SLC5A8: variants seen among roughly 807,000 people sequenced by gnomAD.
SLC5A8 encodes the protein sodium-coupled monocarboxylate transporter 1.
Under a neutral mutation model 71.9 loss-of-function variants are expected in SLC5A8, and 55 were observed. The observed-to-expected ratio is 0.77, with a 90% confidence interval of 0.62 to 0.96. The LOEUF is 0.96. Among genes scored for constraint, SLC5A8 ranks in the 40% least tolerant of loss-of-function variants. The pLI is 0.00. For missense variants in SLC5A8, 701 were observed against 745.3 expected, an observed-to-expected ratio of 0.94 and a Z score of 0.69; for synonymous variants, 307 against 276.1, an observed-to-expected ratio of 1.11 and a Z score of -1.11.
At chr12:101,203,522 A>AT (rs1234234170) in intron 2 of SLC5A8, among the ~76,000 whole-genome samples, 1 of 151,932 alleles carries the variant, frequency 6.6e-6, no homozygotes, top group Non-Finnish European at 1.5e-5. Context: ...TAATTTTTGT[A>AT]TTTTTGTAGA....
chr12:101,160,262 G>A (rs1191715553), intron 13 of SLC5A8, among the ~76,000 whole-genome samples: 2 of 152,056 alleles, frequency 1.3e-5, no homozygotes, highest in African/African-American at 4.8e-5. Context: ...CTACTGTACT[G>A]GGAATTTTAT....
intron 2 of SLC5A8, among the ~76,000 whole-genome samples, chr12:101,202,977 T>C (rs1593385372): frequency 1.3e-5 from 2 of 152,358 alleles, no homozygotes; most frequent in Middle Eastern, 3.4e-3. Context: ...AGTAGAGCTA[T>C]GAAGTCCTTC....
At chr12:101,166,736 C>T (rs1359046769) in intron 11 of SLC5A8, 37 bp from the exon 12 acceptor site, 3 of 1,522,130 alleles carry the variant, frequency 2.0e-6, no homozygotes, top group Non-Finnish European at 2.6e-6. Context: ...AAAAATAATA[C>T]AATTTGCTTT....
At chr12:101,204,404 T>G (rs1869589608) in intron 2 of SLC5A8, 96 bp downstream of exon 2, 1 of 1,060,816 alleles carries the variant, frequency 9.4e-7, no homozygotes, top group Non-Finnish European at 1.4e-6. Flanking sequence ...CATCTCTTTT[T>G]TGTCTTTTAT....
chr12:101,207,920 C>T (rs894709250), intron 1 of SLC5A8, among the ~76,000 whole-genome samples: 3 of 151,964 alleles, frequency 2.0e-5, no homozygotes, highest in African/African-American at 7.3e-5. Context: ...AAACAGTAAC[C>T]ATGAAAACAC....
chr12:101,160,751 A>C (rs1008734570), intron 13 of SLC5A8, among the ~76,000 whole-genome samples: 1 of 152,212 alleles, frequency 6.6e-6, no homozygotes, highest in African/African-American at 2.4e-5. Context: ...TTATTGGAAA[A>C]GTAAGTGAAA....
At chr12:101,186,641 T>C (rs542678021) in intron 7 of SLC5A8, among the ~76,000 whole-genome samples, 3 of 152,332 alleles carry the variant, frequency 2.0e-5, no homozygotes, top group Non-Finnish European at 2.9e-5. Flanking sequence ...AGTTATTCAC[T>C]TAACTTCTCT....
Position 101,184,158 on chromosome 12 carries a change from G to A in SLC5A8, c.1028C>T (p.Ala343Val), listed in dbSNP as rs1868504273. The stretch of plus-strand genomic sequence containing the variant: ...CCTTAATGTCCCACTGTAAGCACAG[G>A]CCACAAAAAGTCCAGGAAGTCCTGG... ...DYPGLPGLFV[A>V]CAYSGTLSTV... The change falls in exon 8 of 15, where the codon GCC becomes GTC. Residue 343 changes from alanine (A) to valine (V), a missense_variant. Physicochemically the swap from Ala to Val is moderately conservative, Grantham distance 64. Coordinates refer to ENST00000536262, the MANE Select transcript of SLC5A8 (RefSeq NM_145913.5). 6.2e-7 allele frequency: 1 copy of A among 1,613,948 alleles called. No individual in the cohort carries two copies. Among genetic ancestry groups the A allele is most frequent in the African/African-American group, 1.3e-5 (1 of 74,890 alleles).
intron 10 of SLC5A8, among the ~76,000 whole-genome samples, chr12:101,173,648 G>A (rs1473900326): frequency 1.3e-5 from 2 of 152,238 alleles, no homozygotes; most frequent in African/African-American, 2.4e-5. Context: ...GGAGTGCATG[G>A]TGGGCTGGGA....
chr12:101,198,902 T>G (rs1869313013), intron 3 of SLC5A8, among the ~76,000 whole-genome samples: 1 of 151,884 alleles, frequency 6.6e-6, no homozygotes, highest in Non-Finnish European at 1.5e-5. Context: ...ATTCAGTCAA[T>G]GTAACTTTTC....
chr12:101,201,221 G>A (rs1219943520), intron 3 of SLC5A8, among the ~76,000 whole-genome samples: 1 of 152,232 alleles, frequency 6.6e-6, no homozygotes, highest in Non-Finnish European at 1.5e-5. Flanking sequence ...CACTTGTGAT[G>A]TTGGTAATAC....
At chr12:101,208,728 A>G (rs1869783630) in intron 1 of SLC5A8, among the ~76,000 whole-genome samples, 1 of 152,214 alleles carries the variant, frequency 6.6e-6, no homozygotes, top group Admixed American at 6.5e-5. Flanking sequence ...TACTGATCCC[A>G]AGATAACTAC....
intron 13 of SLC5A8, among the ~76,000 whole-genome samples, chr12:101,158,612 ATATATATATATATATATATATG>A (rs1206644744): frequency 9.6e-6 from 1 of 103,790 alleles, no homozygotes; most frequent in Non-Finnish European, 1.9e-5. Context: ...ATATATATAT[ATATATATATATATATATATATG>A]TATCATATAT....
chr12:101,171,658 A>T (rs966949136), intron 10 of SLC5A8, among the ~76,000 whole-genome samples: 1 of 152,118 alleles, frequency 6.6e-6, no homozygotes, highest in Admixed American at 6.5e-5. Flanking sequence ...CTCGCCAATG[A>T]TGGGGGAAGA....
chr12:101,166,716 C>A lies in SLC5A8; in HGVS notation c.1321-17G>T, dbSNP rs186997680. On this transcript the variant is annotated splice_polypyrimidine_tract_variant and intron_variant, in intron 11 of 14. Coordinates refer to ENST00000536262, the MANE Select transcript of SLC5A8 (RefSeq NM_145913.5). ...AAGTGCTCCCTGTAAAACAAGAATGCCTTTAAAAGAAAAATAATACAATTT... is the reference window on the plus strand; with the variant it reads ...AAGTGCTCCCTGTAAAACAAGAATGACTTTAAAAGAAAAATAATACAATTT... 1.1e-4 allele frequency: 179 copies of A among 1,560,754 alleles called. No homozygotes were observed. Among genetic ancestry groups the A allele is most frequent in the South Asian group, 6.0e-5 (5 of 83,384 alleles).
At position 101,209,942 on chromosome 12, in the gene SLC5A8, G is replaced by A; in HGVS notation, c.-94C>T. 1.7e-6 allele frequency: 2 copies of A among 1,201,990 alleles called. No homozygotes were observed. The highest frequency in any genetic ancestry group is 1.6e-5 in the African/African-American group (1 of 63,268). The allele number at this position is 1,201,990 out of a possible 1,614,324, so 74.5% of individuals were successfully genotyped here. On this transcript the variant is annotated 5_prime_UTR_variant, in exon 1 of 15. Transcript: ENST00000536262. The stretch of plus-strand genomic sequence containing the variant: ...GCACTTCTTATCCCGGATCCCTGGC[G>A]CGCAGGCGTGGCGTCCCGCGGGGAC...
chr12:101,155,910 T>G lies in SLC5A8; in HGVS notation c.*1369A>C, dbSNP rs376620580. ...AAATAAGCATAAAATTATTTAATCA[T>G]AAAAACATTTGTATGTATCTAAATA... On this transcript the variant is annotated 3_prime_UTR_variant, in exon 15 of 15. Coordinates refer to ENST00000536262, the MANE Select transcript of SLC5A8 (RefSeq NM_145913.5). 1 of 151,704 alleles carries G rather than the reference T, an allele frequency of 6.6e-6. No individual in the cohort carries two copies. Among genetic ancestry groups the G allele is most frequent in the Non-Finnish European group, 1.5e-5 (1 of 67,978 alleles). 9.4% of individuals were successfully genotyped at this position (151,704 alleles called of 1,614,324 possible). A position where few individuals can be genotyped will look rare whatever the true frequency, so the allele number is the denominator to read the frequency against.
At chr12:101,184,282 C>T in intron 7 of SLC5A8, 60 bp from the exon 8 acceptor site, 5 of 1,341,432 alleles carry the variant, frequency 3.7e-6, no homozygotes, top group Non-Finnish European at 4.3e-6. Flanking sequence ...TTAATGAATG[C>T]CTAGTTTATC....
At position 101,209,662 on chromosome 12, in the gene SLC5A8, C is replaced by T; in HGVS notation, c.187G>A (p.Ala63Thr). ...ACAGTGACGGCTGACATGAAGCTAG[C>T]GGTGAGGGACAGCGCCACGGGCACT... ...TAVPVALSLT[A>T]SFMSAVTVLG... Residue 63 changes from alanine (A) to threonine (T), a missense_variant, in exon 1 of 15, where the codon GCT (alanine) becomes ACT (threonine). Transcript: ENST00000536262. The T allele has an allele frequency of 6.2e-7, 1 of 1,613,826 alleles. No individual in the cohort carries two copies. The highest frequency in any genetic ancestry group is 1.1e-5 in the South Asian group (1 of 91,084).
Sources: allele counts gnomAD v4.1 joint callset (sites outside exome capture counted in the v4.1 genomes callset), GRCh38; gene constraint gnomAD v4.1.1; transcripts MANE v1.5; gene names NCBI Gene and HGNC (gene_info 2026-07-23, HGNC 2026-07-21).